The following DHPS variants were observed in gnomAD, a reference collection of about 807,000 sequenced individuals.
The protein encoded by DHPS is deoxyhypusine synthase, also known as migration-inducing gene 13.
In DHPS, 24 loss-of-function variants were observed where a neutral mutation model predicts 38.7. The ratio of observed to expected loss-of-function variants is 0.62; its 90% confidence interval spans 0.45 to 0.87. DHPS has a LOEUF of 0.87. Among genes scored for constraint, DHPS ranks in the 40% least tolerant of loss-of-function variants. DHPS has a pLI of 0.00. For synonymous variants in DHPS, 250 were observed against 204.4 expected, an observed-to-expected ratio of 1.22 and a Z score of -1.90; for missense variants, 510 against 497.6, an observed-to-expected ratio of 1.02 and a Z score of -0.24.
chr19:12,680,675 A>G (rs1441452105), intron 1 of DHPS, among the ~76,000 whole-genome samples: 1 of 150,916 alleles, frequency 6.6e-6, no homozygotes, highest in Non-Finnish European at 1.5e-5. Flanking sequence ...CTGGGACTAC[A>G]GGCGCGCACC....
Position 12,680,072 on chromosome 19 carries a change from A to G in DHPS, c.372+89T>C, listed in dbSNP as rs749421402. 4 of 1,574,756 alleles carry G rather than the reference A, an allele frequency of 2.5e-6. No homozygotes were observed. The East Asian group carries it at 9.0e-5, about 35-fold the overall frequency. ...GATTCTATTCCTCTGCTTATAACAG[A>G]CCCCTATCTGCCCATCTCACTTAAA... On this transcript the variant is annotated intron_variant, in intron 2 of 8. Transcript: ENST00000210060.
downstream of DHPS, among the ~76,000 whole-genome samples, chr19:12,674,009 G>A (rs952311497): frequency 3.2e-4 from 48 of 152,124 alleles, no homozygotes; most frequent in Admixed American, 3.1e-3. Context: ...TTGGGCTAGA[G>A]AGAAGATGAG....
At chr19:12,673,217 G>C (rs762055867), downstream of DHPS, 1 of 1,613,900 alleles carries the variant, frequency 6.2e-7, no homozygotes, top group East Asian at 2.2e-5. Flanking sequence ...AGGGCCATAA[G>C]AACCAGGAAT....
At chr19:12,674,833 C>A (rs575590747), downstream of DHPS, among the ~76,000 whole-genome samples, 2 of 151,954 alleles carry the variant, frequency 1.3e-5, no homozygotes, top group Non-Finnish European at 2.9e-5. Context: ...AAAAGACTCC[C>A]GGCCAGGCAT....
Position 12,681,648 on chromosome 19 carries a change from A to G in DHPS, c.119T>C (p.Val40Ala). ...QVRGYDFNRG[V>A]NYRALLEAFG... ...GGCCTCCAGCAGTGCGCGGTAATTC[A>G]CACCGCGGTTGAAGTCGTAGCCCCG... The change falls in exon 1 of 9, where the codon GTG (valine) becomes GCG (alanine). Residue 40 changes from valine to alanine, a missense_variant. Physicochemically the swap from Val to Ala is moderately conservative, Grantham distance 64. Transcript: ENST00000210060. The G allele has an allele frequency of 6.2e-7, 1 of 1,614,188 alleles. No individual in the cohort carries two copies.
chr19:12,679,318 C>A (rs558720981), intron 5 of DHPS, 139 bp downstream of exon 5: 3 of 831,190 alleles, frequency 3.6e-6, no homozygotes, highest in African/African-American at 1.7e-5. Context: ...AAAATTACCA[C>A]GCCTATCTGT....
Position 12,681,611 on chromosome 19 carries a change from G to T in DHPS, c.156C>A (p.Thr52=), listed in dbSNP as rs771333352. ...GCCCGAAGTTGGTTGCTTGGAAGCC[G>T]GTGGTGCCGAAGGCCTCCAGCAGTG... is the stretch of plus-strand genomic sequence containing the variant. ...YRALLEAFGT[T]GFQATNFGRA... Residue 52 remains threonine, a synonymous_variant, in exon 1 of 9, where the codon ACC becomes ACA. Transcript: ENST00000210060. The T allele has an allele frequency of 1.2e-6, 2 of 1,614,268 alleles. No individual in the cohort carries two copies. Among genetic ancestry groups the T allele is most frequent in the Non-Finnish European group, 1.7e-6 (2 of 1,180,046 alleles).
rs780867906 is a variant in DHPS, at chr19:12,676,034, C to T, written c.997G>A (p.Asp333Asn). The T allele has an allele frequency of 1.9e-6, 3 of 1,613,986 alleles. No individual in the cohort carries two copies. In the Admixed American group the frequency reaches 5.0e-5, roughly 27 times the overall value. ...GCGCTTACCTTGACGGGCTGTGCATCCACCCGGATCTTGCCCCAGGAGACA... is the reference window on the plus strand; with the variant it reads ...GCGCTTACCTTGACGGGCTGTGCATTCACCCGGATCTTGCCCCAGGAGACA... ...EAVSWGKIRV[D>N]AQPVKVYADA... Residue 333 changes from aspartate to asparagine, a missense_variant, in exon 8 of 9, where the codon GAT becomes AAT. Transcript: ENST00000210060.
chr19:12,678,444 G>C (rs535785758), intron 5 of DHPS, among the ~76,000 whole-genome samples: 1 of 151,998 alleles, frequency 6.6e-6, no homozygotes, highest in South Asian at 2.1e-4. Flanking sequence ...TCCAGCCTGG[G>C]AAACAGAATG....
chr19:12,681,405 C>G (rs958685605), intron 1 of DHPS, 155 bp downstream of exon 1: 3 of 1,075,660 alleles, frequency 2.8e-6, no homozygotes, highest in Non-Finnish European at 3.9e-6. Flanking sequence ...AGGACAGAAA[C>G]TCCCGCCCAG....
At chr19:12,680,110 G>T in intron 2 of DHPS, 51 bp downstream of exon 2, 1 of 1,603,370 alleles carries the variant, frequency 6.2e-7, no homozygotes, top group South Asian at 1.1e-5. Flanking sequence ...ATCAATAACT[G>T]CATTGCCCAT....
rs527460497 is a variant in DHPS, at chr19:12,675,734, C to T, written c.*104G>A. ...CACAGACATGGAAGGACTTCAGATACCATCTTATTCTAGAGACGTAGCTGA... is the reference window on the plus strand; with the variant it reads ...CACAGACATGGAAGGACTTCAGATATCATCTTATTCTAGAGACGTAGCTGA... On this transcript the variant is annotated 3_prime_UTR_variant, in exon 9 of 9. Coordinates refer to ENST00000210060, the MANE Select transcript of DHPS (RefSeq NM_001930.4). 1.3e-6 allele frequency: 2 copies of T among 1,581,422 alleles called. No individual in the cohort carries two copies. Among genetic ancestry groups the T allele is most frequent in the African/African-American group, 2.7e-5 (2 of 74,264 alleles).
chr19:12,678,669 T>C (rs1357413770), intron 5 of DHPS, among the ~76,000 whole-genome samples: 1 of 141,030 alleles, frequency 7.1e-6, no homozygotes, highest in Non-Finnish European at 1.5e-5. Flanking sequence ...CTCAGGAGGG[T>C]GAGGCGGGAG....
rs751928923 is a variant in DHPS at position 12,675,933 on chromosome 19, C to T, written c.1015G>A (p.Val339Ile). 2 of 1,605,572 alleles carry T rather than the reference C, an allele frequency of 1.2e-6. No individual in the cohort carries two copies. Among genetic ancestry groups the T allele is most frequent in the South Asian group, 2.2e-5 (2 of 90,006 alleles). Reference sequence around the variant, plus strand: ...AAGACCAGGGAGGCGTCAGCATAGACCTGGGTAGGGGGGAACCTGGGTAAG... The same window carrying T: ...AAGACCAGGGAGGCGTCAGCATAGATCTGGGTAGGGGGGAACCTGGGTAAG... ...KIRVDAQPVK[V>I]YADASLVFPL... Residue 339 changes from valine to isoleucine, a missense_variant and splice_region_variant, in exon 9 of 9, where the codon GTC becomes ATC. Transcript: ENST00000210060.
chr19:12,678,914 A>G (rs2024706544), intron 5 of DHPS, among the ~76,000 whole-genome samples: 1 of 147,736 alleles, frequency 6.8e-6, no homozygotes, highest in Non-Finnish European at 1.5e-5. Flanking sequence ...GAGAGTTGCT[A>G]AGTGTTGCCT....
In DHPS at chr19:12,675,880, G is replaced by C; in HGVS notation, c.1068C>G (p.Ala356=). The change falls in exon 9 of 9, where the codon GCC becomes GCG. Residue 356 remains alanine (A), a synonymous_variant. Coordinates refer to ENST00000210060, the MANE Select transcript of DHPS (RefSeq NM_001930.4). ...VFPLLVAETF[A]QKMDAFMHEK... is the part of the protein sequence containing the mutation. ...CATGCATGAAGGCATCCATCTTCTG[G>C]GCAAAGGTTTCAGCCACAAGCAGGG... is the stretch of plus-strand genomic sequence containing the variant. The C allele has an allele frequency of 6.2e-7, 1 of 1,610,268 alleles. No homozygotes were observed. Among genetic ancestry groups the C allele is most frequent in the Non-Finnish European group, 8.5e-7 (1 of 1,178,104 alleles).
chr19:12,680,947 C>A, intron 1 of DHPS: 1 of 268,644 alleles, frequency 3.7e-6, no homozygotes, highest in Non-Finnish European at 7.3e-6. Flanking sequence ...GATTCTCCTG[C>A]CTCAGCCTCC....
At chr19:12,679,211 C>G (rs1481240867) in intron 5 of DHPS, among the ~76,000 whole-genome samples, 2 of 151,750 alleles carry the variant, frequency 1.3e-5, no homozygotes, top group African/African-American at 2.4e-5. Flanking sequence ...GGTGGGAGGA[C>G]TGCTTGGCCC....
intron 7 of DHPS, chr19:12,676,377 C>A (rs146519552): frequency 3.7e-4 from 199 of 533,880 alleles, no homozygotes; most frequent in African/African-American, 3.4e-3. Flanking sequence ...CCTGCCCCAT[C>A]TGCAAGGCAG....
Sources: allele counts gnomAD v4.1 joint callset (sites outside exome capture counted in the v4.1 genomes callset), GRCh38; gene constraint gnomAD v4.1.1; transcripts MANE v1.5; gene names NCBI Gene and HGNC (gene_info 2026-07-23, HGNC 2026-07-21).